Variants in LMO3 observed in about 807,000 individuals in gnomAD.
The protein encoded by LMO3 is LIM domain only protein 3.
A neutral mutation model predicts 15.8 loss-of-function variants in LMO3; 2 were observed. That is an observed-to-expected ratio of 0.13 (90% CI 0.05 to 0.40). LMO3 has a LOEUF of 0.40. LMO3 is among the 10% of genes least tolerant of loss of function. The pLI is 0.99. For synonymous variants in LMO3, 62 were observed against 63.8 expected (o/e 0.97, Z 0.13); for missense variants, 86 against 182.2 (o/e 0.47, Z 3.04).
At chr12:16,607,485 T>G (rs1648063556), upstream of LMO3, 1 of 152,030 alleles carries the variant, frequency 6.6e-6, no homozygotes, top group South Asian at 2.1e-4. Flanking sequence ...TCCTCTTAAC[T>G]TTCCTTGGCA....
rs1344743380 is a variant in LMO3, at chr12:16,598,746, C to T, written c.206+1909G>A. On this transcript the variant is annotated intron_variant, in intron 2 of 3. Transcript: ENST00000537304. The surrounding 1 kb of genome is among the most constrained non-coding windows in gnomAD (Gnocchi z 4.3). ...AACAAAACAAATCTAAGATTACTGTCTTTGCTCGATGCTATGTTGACAGCT... is the reference window on the plus strand; with the variant it reads ...AACAAAACAAATCTAAGATTACTGTTTTTGCTCGATGCTATGTTGACAGCT... 1 of 155,506 alleles carries T rather than the reference C, an allele frequency of 6.4e-6. No individual in the cohort carries two copies. Among genetic ancestry groups the T allele is most frequent in the Non-Finnish European group, 1.4e-5 (1 of 69,528 alleles). 9.6% of individuals were successfully genotyped at this position (155,506 alleles called of 1,614,324 possible).
chr12:16,581,500 C>A (rs937928419), intron 2 of LMO3, among the ~76,000 whole-genome samples: 3 of 152,140 alleles, frequency 2.0e-5, no homozygotes, highest in African/African-American at 7.2e-5. Flanking sequence ...TATTTCTGTC[C>A]ATTTTTTTAA....
chr12:16,553,005 A>C (rs1942048882), intron 3 of LMO3, among the ~76,000 whole-genome samples: 1 of 152,124 alleles, frequency 6.6e-6, no homozygotes. Flanking sequence ...ACATCAGTCG[A>C]CTTTGTAGGC....
chr12:16,557,321 AG>A (rs1942227395), intron 3 of LMO3, among the ~76,000 whole-genome samples: 1 of 152,232 alleles, frequency 6.6e-6, no homozygotes, highest in Middle Eastern at 3.4e-3. Flanking sequence ...AATGCCAGTT[AG>A]AAATTATAAT....
intron 2 of LMO3, among the ~76,000 whole-genome samples, chr12:16,565,898 G>C (rs536828952): frequency 2.8e-4 from 42 of 148,006 alleles, no homozygotes; most frequent in African/African-American, 1.0e-3. Context: ...GCACTCTCGT[G>C]TTTATTACAG....
At chr12:16,608,049 T>C (rs1944059504), upstream of LMO3, 1 of 152,392 alleles carries the variant, frequency 6.6e-6, no homozygotes, top group Admixed American at 6.5e-5. The surrounding 1 kb of genome is among the most constrained non-coding windows in gnomAD (Gnocchi z 4.1). Flanking sequence ...TAGGCAGGCA[T>C]ACATGCACTT....
chr12:16,605,903 G>T, intron 1 of LMO3, 163 bp downstream of exon 1: 1 of 1,387,012 alleles, frequency 7.2e-7, no homozygotes, highest in East Asian at 2.5e-5. Flanking sequence ...GCTGCAGCCC[G>T]AGTGAAAGTT....
chr12:16,586,369 T>C lies in LMO3; in HGVS notation c.206+14286A>G, dbSNP rs1268765201. Among the ~76,000 whole-genome samples, 1 of 152,182 alleles carries C rather than the reference T, an allele frequency of 6.6e-6. No homozygotes were observed. Among genetic ancestry groups the C allele is most frequent in the East Asian group, 1.9e-4 (1 of 5,184 alleles). On this transcript the variant is annotated intron_variant, in intron 2 of 3. Transcript: ENST00000537304. The surrounding 1 kb of genome is among the most constrained non-coding windows in gnomAD (Gnocchi z 4.3). ...CGTGCATGAATGGAGAACCACTGCA[T>C]GGCTGTGGCAAGGAGAGCGGAGGAT...
chr12:16,555,175 ATTTG>A lies in LMO3; in HGVS notation c.333-3852_333-3849del, dbSNP rs1271964299. On this transcript the variant is annotated intron_variant, in intron 3 of 3. Coordinates refer to ENST00000537304, the MANE Select transcript of LMO3 (RefSeq NM_018640.5). The surrounding 1 kb of genome is among the most constrained non-coding windows in gnomAD (Gnocchi z 5.5). Reference sequence around the variant, plus strand: ...TTTATCAGAATTTGCTATCATTATTATTTGGTAATGATAATCTTTTCACCTTTAC... The same window carrying A: ...TTTATCAGAATTTGCTATCATTATTAGTAATGATAATCTTTTCACCTTTAC... Among the ~76,000 whole-genome samples the A allele has an allele frequency of 6.6e-6, 1 of 152,206 alleles. No homozygotes were observed. Among genetic ancestry groups the A allele is most frequent in the African/African-American group, 2.4e-5 (1 of 41,442 alleles).
intron 2 of LMO3, among the ~76,000 whole-genome samples, chr12:16,590,431 T>G (rs149801496): frequency 1.4e-3 from 215 of 152,214 alleles, no homozygotes; most frequent in African/African-American, 5.0e-3. Context: ...GCAAATATAT[T>G]ATTTTACATG....
rs1408980495 is a variant in LMO3 at position 16,550,687 on chromosome 12, GTATTTTTAA to G, written c.*526_*534del. 2.0e-5 allele frequency: 3 copies of G among 152,466 alleles called. No homozygotes were observed. The highest frequency in any genetic ancestry group is 4.4e-5 in the Non-Finnish European group (3 of 68,020). 9.4% of individuals were successfully genotyped at this position (152,466 alleles called of 1,614,324 possible). On this transcript the variant is annotated 3_prime_UTR_variant, in exon 4 of 4. Coordinates refer to ENST00000537304, the MANE Select transcript of LMO3 (RefSeq NM_018640.5). ...GCTCTGTGTGTGTCTTTATTTTTTA[GTATTTTTAA>G]TGTTGATAGACTTGCTTTATCTATC...
At chr12:16,610,138 C>G (rs1377952668), upstream of LMO3, 1 of 152,124 alleles carries the variant, frequency 6.6e-6, no homozygotes, top group African/African-American at 2.4e-5. Flanking sequence ...TGTGCCTCTC[C>G]CTTTCTCACT....
chr12:16,556,576 CA>C (rs1232836723), intron 3 of LMO3, among the ~76,000 whole-genome samples: 1 of 152,166 alleles, frequency 6.6e-6, no homozygotes, highest in Non-Finnish European at 1.5e-5. Context: ...CTTTAGACGT[CA>C]ATAAAGTTTG....
At chr12:16,594,304 T>C (rs1200169344) in intron 2 of LMO3, 1 of 1,448,298 alleles carries the variant, frequency 6.9e-7, no homozygotes, top group South Asian at 1.4e-5. Context: ...AGTAATCATA[T>C]ACACAAACCA....
chr12:16,588,672 G>A (rs1943314528), intron 2 of LMO3, among the ~76,000 whole-genome samples: 1 of 152,060 alleles, frequency 6.6e-6, no homozygotes, highest in African/African-American at 2.4e-5. Context: ...AATCTCCAGT[G>A]TTGAGATATT....
chr12:16,551,259 CCTT>C lies in LMO3; in HGVS notation c.398_400del (p.Glu133del). 1 of 1,613,092 alleles carries C rather than the reference CCTT, an allele frequency of 6.2e-7. No individual in the cohort carries two copies. Reference sequence around the variant, plus strand: ...GGGTGCATAACCTTCTTTCATTAAACCTTCCTCGTAGTCCGTCTGGCAAAGGAT... The same window carrying C: ...GGGTGCATAACCTTCTTTCATTAAACCCTCGTAGTCCGTCTGGCAAAGGAT... On this transcript the variant is annotated inframe_deletion, in exon 4 of 4. Coordinates refer to ENST00000537304, the MANE Select transcript of LMO3 (RefSeq NM_018640.5).
intron 2 of LMO3, among the ~76,000 whole-genome samples, chr12:16,563,602 C>T (rs1942481659): frequency 6.6e-6 from 1 of 152,106 alleles, no homozygotes; most frequent in Non-Finnish European, 1.5e-5. Flanking sequence ...TTCCTCTGCA[C>T]TCTTTACTCC....
At position 16,591,373 on chromosome 12, in the gene LMO3, GC is replaced by G. The variant is rs1943490809; in HGVS notation, c.206+9281del. Reference sequence around the variant, plus strand: ...AGTCACCGTCTCAGTGAGGCTGTCTGCACCCCCTCCACACAAACCAAAATTC... The same window carrying G: ...AGTCACCGTCTCAGTGAGGCTGTCTGACCCCCTCCACACAAACCAAAATTC... On this transcript the variant is annotated intron_variant, in intron 2 of 3. Coordinates refer to ENST00000537304, the MANE Select transcript of LMO3 (RefSeq NM_018640.5). This position sits in a 1 kb window ranked among gnomAD's most constrained non-coding sequence, Gnocchi z 4.1. Among the ~76,000 whole-genome samples the G allele has an allele frequency of 1.3e-5, 2 of 151,942 alleles. No individual in the cohort carries two copies. Among genetic ancestry groups the G allele is most frequent in the South Asian group, 4.1e-4 (2 of 4,826 alleles).
At chr12:16,566,629 ATTAT>A (rs1591786873) in intron 2 of LMO3, among the ~76,000 whole-genome samples, 1 of 152,240 alleles carries the variant, frequency 6.6e-6, no homozygotes, top group South Asian at 2.1e-4. Flanking sequence ...AACCTTAGAG[ATTAT>A]TTATTTCATA....
Sources: gnomAD v4.1 joint callset for allele counts (sites outside exome capture counted in the v4.1 genomes callset) on GRCh38, gnomAD v4.1.1 for gene constraint, Gnocchi (gnomAD v3.1) non-coding constraint, MANE v1.5 for transcripts, NCBI Gene and HGNC (gene_info 2026-07-23, HGNC 2026-07-21) for gene names.